The following CSGALNACT1 variants were observed in gnomAD, a reference collection of about 807,000 sequenced individuals.
The protein encoded by CSGALNACT1 is chondroitin sulfate N-acetylgalactosaminyltransferase 1.
In CSGALNACT1, 52 loss-of-function variants were observed where a neutral mutation model predicts 51.0. The ratio of observed to expected loss-of-function variants is 1.02; its 90% CI spans 0.82 to 1.29. CSGALNACT1 has a LOEUF of 1.29. Ranked by LOEUF, CSGALNACT1 falls within the 50% of genes most tolerant of loss-of-function variation. The probability of loss-of-function intolerance (pLI) is 0.00; values close to 1 mark genes in which losing one functional copy is unlikely to be tolerated. For missense variants in CSGALNACT1, 935 were observed against 679.2 expected (o/e 1.38, Z -4.19); for synonymous variants, 341 against 254.4 (o/e 1.34, Z -3.24).
upstream of CSGALNACT1, chr8:19,682,633 A>G: frequency 2.2e-6 from 1 of 454,010 alleles, no homozygotes; most frequent in Non-Finnish European, 4.4e-6. Flanking sequence ...ATTGTGTAAA[A>G]TATTCAGGCA....
intron 2 of CSGALNACT1, among the ~76,000 whole-genome samples, chr8:19,594,287 A>G (rs1226297342): frequency 6.6e-6 from 1 of 152,234 alleles, no homozygotes; most frequent in Non-Finnish European, 1.5e-5. Context: ...TATAGAAATA[A>G]GGCAAGGGAA....
In CSGALNACT1 at chr8:19,444,288, G is replaced by C. The variant is rs958091056; in HGVS notation, c.852-4357C>G. 2.6e-5 allele frequency among the ~76,000 whole-genome samples: 4 copies of C among 152,126 alleles called. No individual in the cohort carries two copies. In the South Asian group the frequency reaches 6.2e-4, roughly 24 times the overall value. On this transcript the variant is annotated intron_variant, in intron 5 of 9. Transcript: ENST00000454498. ...ATGCTATGTAAAGTGTTTTTGTTCTGTATCATCTAGGGAATAATGACAAGG... is the reference window on the plus strand; with the variant it reads ...ATGCTATGTAAAGTGTTTTTGTTCTCTATCATCTAGGGAATAATGACAAGG...
At position 19,405,784 on chromosome 8, in the gene CSGALNACT1, G is replaced by GT. The variant is rs778908076; in HGVS notation, c.1594dup (p.Thr532AsnfsTer31). ...CCACAATCCTTCTCTGGGAGTTCATGTTTTTTTGCTACTTGTCTTCTGTTT... is the reference window on the plus strand; with the variant it reads ...CCACAATCCTTCTCTGGGAGTTCATGTTTTTTTTGCTACTTGTCTTCTGTTT... On this transcript the variant is annotated frameshift_variant, in exon 10 of 10. Transcript: ENST00000454498. LOFTEE classifies it high-confidence loss of function. 24 of 1,614,006 alleles carry GT rather than the reference G, an allele frequency of 1.5e-5. No homozygotes were observed. The highest frequency in any genetic ancestry group is 8.9e-5 in the East Asian group (4 of 44,894).
At chr8:19,652,110 TTTTTA>T (rs1253131501) in intron 1 of CSGALNACT1, among the ~76,000 whole-genome samples, 8 of 152,038 alleles carry the variant, frequency 5.3e-5, no homozygotes, top group African/African-American at 1.9e-4. Flanking sequence ...TAAATATTTA[TTTTTA>T]TTTATTTTTT....
At chr8:19,702,329 A>T (rs1446965261) in intron 1 of CSGALNACT1, among the ~76,000 whole-genome samples, 1 of 151,944 alleles carries the variant, frequency 6.6e-6, no homozygotes, top group Non-Finnish European at 1.5e-5. Context: ...CCTGGGCAAC[A>T]TAGTGAGACC....
At chr8:19,494,400 C>G (rs1419931410) in intron 4 of CSGALNACT1, among the ~76,000 whole-genome samples, 1 of 152,182 alleles carries the variant, frequency 6.6e-6, no homozygotes, top group Non-Finnish European at 1.5e-5. Flanking sequence ...CCTGATCATT[C>G]CACTCCATGA....
intron 1 of CSGALNACT1, among the ~76,000 whole-genome samples, chr8:19,623,376 T>C (rs540006040): frequency 6.6e-6 from 1 of 152,332 alleles, no homozygotes; most frequent in African/African-American, 2.4e-5. Flanking sequence ...GTGAAGATAT[T>C]TTGAACAAAA....
chr8:19,742,158 G>A (rs2064356201), intron 1 of CSGALNACT1, among the ~76,000 whole-genome samples: 1 of 152,202 alleles, frequency 6.6e-6, no homozygotes, highest in Admixed American at 6.5e-5. Flanking sequence ...TTGGCACACA[G>A]TGAGCACAAT....
At chr8:19,439,837 T>A (rs752653176) in exon 6 of CSGALNACT1, 69 of 1,610,544 alleles carry the variant, frequency 4.3e-5, no homozygotes, top group Admixed American at 8.3e-5. Context: ...CACTTGGAAG[T>A]GTTTTCAAGT....
intron 6 of CSGALNACT1, among the ~76,000 whole-genome samples, chr8:19,433,964 T>C (rs996117019): frequency 1.3e-5 from 2 of 152,260 alleles, no homozygotes; most frequent in South Asian, 4.2e-4. Flanking sequence ...ACTGTGCTTG[T>C]GGGCTGTTGA....
intron 1 of CSGALNACT1, among the ~76,000 whole-genome samples, chr8:19,692,351 G>C (rs890474567): frequency 6.6e-6 from 1 of 152,178 alleles, no homozygotes; most frequent in African/African-American, 2.4e-5. Flanking sequence ...ACTAAAGTTG[G>C]AGAACCACTG....
chr8:19,592,774 GA>G (rs950275925), intron 2 of CSGALNACT1, among the ~76,000 whole-genome samples: 2 of 151,026 alleles, frequency 1.3e-5, no homozygotes, highest in Non-Finnish European at 3.0e-5. Context: ...TGTCTCTAAT[GA>G]AAAAAAAATT....
intron 1 of CSGALNACT1, among the ~76,000 whole-genome samples, chr8:19,734,375 A>G (rs1168930946): frequency 6.6e-6 from 1 of 152,220 alleles, no homozygotes; most frequent in Non-Finnish European, 1.5e-5. Flanking sequence ...CAGGCTGCCA[A>G]TGAATCAGAT....
intron 1 of CSGALNACT1, among the ~76,000 whole-genome samples, chr8:19,666,617 C>T (rs369623001): frequency 2.6e-5 from 4 of 151,296 alleles, no homozygotes; most frequent in South Asian, 4.2e-4. Context: ...CGGATAGCTT[C>T]AACCCAGGAG....
intron 4 of CSGALNACT1, among the ~76,000 whole-genome samples, chr8:19,469,037 G>A (rs5013219): frequency 0.73 from 111,049 of 151,746 alleles, 41,743 homozygotes; most frequent in East Asian, 0.87. Flanking sequence ...CAACAGATAA[G>A]TGAGGGCCTG....
chr8:19,692,851 G>C (rs1486876568), intron 1 of CSGALNACT1, among the ~76,000 whole-genome samples: 1 of 152,180 alleles, frequency 6.6e-6, no homozygotes, highest in Non-Finnish European at 1.5e-5. Context: ...GCTTCCAACA[G>C]GCTGGAGAAT....
chr8:19,630,814 A>G (rs1039240722), intron 1 of CSGALNACT1, among the ~76,000 whole-genome samples: 1 of 152,046 alleles, frequency 6.6e-6, no homozygotes, highest in Non-Finnish European at 1.5e-5. Context: ...TCTTTTTGAA[A>G]AACAGACTAA....
At chr8:19,497,694 G>C (rs1391219291) in intron 4 of CSGALNACT1, among the ~76,000 whole-genome samples, 2 of 152,156 alleles carry the variant, frequency 1.3e-5, no homozygotes, top group African/African-American at 4.8e-5. Context: ...GGATCATTCT[G>C]TGAAAGGAAA....
intron 3 of CSGALNACT1, among the ~76,000 whole-genome samples, chr8:19,543,874 A>G (rs1055835625): frequency 3.9e-5 from 6 of 152,214 alleles, no homozygotes; most frequent in Admixed American, 1.3e-4. Context: ...AACAAGTCCA[A>G]AAACAAAATA....
Sources: allele counts gnomAD v4.1 joint callset (sites outside exome capture counted in the v4.1 genomes callset), GRCh38; gene constraint gnomAD v4.1.1; transcripts MANE v1.5; gene names NCBI Gene and HGNC (gene_info 2026-07-23, HGNC 2026-07-21).